The following AGXT2 variants were observed in gnomAD, a reference collection of about 807,000 sequenced individuals.
AGXT2 encodes alanine--glyoxylate aminotransferase 2.
Under a neutral mutation model 62.5 loss-of-function variants are expected in AGXT2, and 61 were observed. The observed-to-expected ratio is 0.98, with a 90% confidence interval of 0.79 to 1.21. The LOEUF is 1.21. AGXT2 is among the 50% of genes most tolerant of loss of function. AGXT2 has a pLI of 0.00. For missense variants in AGXT2, 666 were observed against 641.5 expected (o/e 1.04, Z -0.41); for synonymous variants, 243 against 218.7 (o/e 1.11, Z -0.98).
chr5:35,011,885 T>C (rs1766654005), intron 11 of AGXT2, among the ~76,000 whole-genome samples: 2 of 150,362 alleles, frequency 1.3e-5, no homozygotes, highest in Admixed American at 6.7e-5. Context: ...AGCCCATCAA[T>C]TGATGAGTGG....
chr5:35,004,364 A>T (rs1239823392), intron 12 of AGXT2, among the ~76,000 whole-genome samples: 1 of 152,084 alleles, frequency 6.6e-6, no homozygotes, highest in East Asian at 1.9e-4. Flanking sequence ...GGTTTGTCCT[A>T]ATTTCCCTGC....
intron 7 of AGXT2, chr5:35,027,089 C>T (rs998219707): frequency 2.4e-6 from 2 of 850,164 alleles, no homozygotes; most frequent in Non-Finnish European, 2.8e-6. Flanking sequence ...TTGTTTTTAA[C>T]AGGACTTTCT....
At chr5:35,008,915 A>G (rs1182631378) in intron 12 of AGXT2, among the ~76,000 whole-genome samples, 1 of 152,134 alleles carries the variant, frequency 6.6e-6, no homozygotes, top group African/African-American at 2.4e-5. Context: ...GATTTTATGG[A>G]GGAAAGGCAC....
At chr5:35,028,192 A>G (rs893931744) in intron 7 of AGXT2, among the ~76,000 whole-genome samples, 3 of 152,062 alleles carry the variant, frequency 2.0e-5, no homozygotes, top group Admixed American at 1.3e-4. Context: ...TGCGTTTCTG[A>G]GAATTCGTGC....
At chr5:35,045,751 CTTTTTCT>C (rs1412875660) in intron 1 of AGXT2, among the ~76,000 whole-genome samples, 5 of 133,226 alleles carry the variant, frequency 3.8e-5, no homozygotes, top group African/African-American at 5.6e-5. Context: ...TGGTTTTTTT[CTTTTTCT>C]TTTTTCTTTT....
intron 9 of AGXT2, among the ~76,000 whole-genome samples, chr5:35,025,147 G>A (rs891776349): frequency 7.9e-5 from 12 of 152,146 alleles, no homozygotes; most frequent in African/African-American, 1.4e-4. Flanking sequence ...AGGCCAAGGC[G>A]GGCGGATCAC....
chr5:35,028,615 GAGAGAAAT>G (rs1767455960), intron 7 of AGXT2, among the ~76,000 whole-genome samples: 1 of 33,530 alleles, frequency 3.0e-5, no homozygotes, highest in Non-Finnish European at 6.5e-5. Context: ...GAGAGAGAGA[GAGAGAAAT>G]TCTTCTACTC....
intron 9 of AGXT2, among the ~76,000 whole-genome samples, chr5:35,014,651 C>G (rs893337114): frequency 6.6e-6 from 1 of 152,006 alleles, no homozygotes; most frequent in African/African-American, 2.4e-5. Flanking sequence ...GGGTATGTTT[C>G]TTAAGTCCTT....
intron 12 of AGXT2, among the ~76,000 whole-genome samples, chr5:35,008,848 AG>A (rs2112183101): frequency 6.6e-6 from 1 of 152,280 alleles, no homozygotes; most frequent in South Asian, 2.1e-4. Flanking sequence ...TGTAGACATG[AG>A]GTTAGTCTGG....
chr5:35,024,634 ACTC>A (rs751619262), intron 9 of AGXT2, among the ~76,000 whole-genome samples: 3 of 152,114 alleles, frequency 2.0e-5, no homozygotes, highest in African/African-American at 7.2e-5. Flanking sequence ...AGTTGGTGGT[ACTC>A]CTCTAATTTA....
intron 5 of AGXT2, 62 bp downstream of exon 5, chr5:35,035,160 T>A (rs1767712299): frequency 7.3e-7 from 1 of 1,368,954 alleles, no homozygotes; most frequent in Non-Finnish European, 1.0e-6. Context: ...AATGTAAAGC[T>A]ACACATTTAG....
chr5:35,034,410 T>C (rs1767691914), intron 5 of AGXT2, among the ~76,000 whole-genome samples: 1 of 152,188 alleles, frequency 6.6e-6, no homozygotes, highest in South Asian at 2.1e-4. Flanking sequence ...TCATTTGATA[T>C]GGAATGTGCA....
intron 6 of AGXT2, 97 bp from the exon 7 acceptor site, chr5:35,032,922 G>A (rs577843101): frequency 2.8e-4 from 266 of 951,020 alleles, no homozygotes; most frequent in Non-Finnish European, 3.9e-4. Flanking sequence ...GGGCTTCTTA[G>A]TTTTCCTCCC....
At chr5:35,004,130 T>G (rs537528652) in intron 12 of AGXT2, among the ~76,000 whole-genome samples, 4 of 152,374 alleles carry the variant, frequency 2.6e-5, no homozygotes, top group African/African-American at 9.6e-5. Flanking sequence ...TCTGTGCGGA[T>G]AGCCAGTGAA....
At chr5:35,039,831 A>C (rs1767916697) in intron 2 of AGXT2, among the ~76,000 whole-genome samples, 2 of 152,266 alleles carry the variant, frequency 1.3e-5, no homozygotes, top group Admixed American at 1.3e-4. Flanking sequence ...TGAACTAATA[A>C]GCAATTAGTC....
chr5:35,012,825 T>G, intron 11 of AGXT2, 129 bp downstream of exon 11: 1 of 923,886 alleles, frequency 1.1e-6, no homozygotes, highest in Admixed American at 2.0e-5. Flanking sequence ...AAATCTAACT[T>G]TAATGGATAA....
chr5:35,035,646 C>G (rs931655078), intron 4 of AGXT2, among the ~76,000 whole-genome samples: 7 of 152,074 alleles, frequency 4.6e-5, no homozygotes, highest in African/African-American at 1.7e-4. Context: ...GCTGATAGAT[C>G]CAAAGGTTGG....
intron 9 of AGXT2, among the ~76,000 whole-genome samples, chr5:35,021,669 A>G (rs1205484160): frequency 5.3e-5 from 8 of 152,276 alleles, no homozygotes; most frequent in African/African-American, 1.9e-4. Context: ...ATGGGCAAGG[A>G]CTTCATGTCT....
Position 34,998,647 on chromosome 5 carries a change from A to G in AGXT2, c.*72T>C. 2 of 1,281,042 alleles carry G rather than the reference A, an allele frequency of 1.6e-6. No individual in the cohort carries two copies. Among genetic ancestry groups the G allele is most frequent in the Non-Finnish European group, 2.2e-6 (2 of 889,538 alleles). 79.4% of individuals were successfully genotyped at this position (1,281,042 alleles called of 1,614,324 possible). On this transcript the variant is annotated 3_prime_UTR_variant, in exon 14 of 14. Coordinates refer to ENST00000231420, the MANE Select transcript of AGXT2 (RefSeq NM_031900.4). ...TTCTCTGGATACCAGTGGTTCTGAA[A>G]TTCTTCAAATTCACCCTTGAACATA...
Sources: gnomAD v4.1 joint callset for allele counts (sites outside exome capture counted in the v4.1 genomes callset) on GRCh38, gnomAD v4.1.1 for gene constraint, MANE v1.5 for transcripts, NCBI Gene and HGNC (gene_info 2026-07-23, HGNC 2026-07-21) for gene names.